Variants in FBXO4 observed in about 807,000 individuals in gnomAD.
FBXO4 encodes F-box only protein 4.
In FBXO4, 36 loss-of-function variants were observed where a neutral mutation model predicts 43.7. That is an observed-to-expected ratio of 0.82 (90% confidence interval 0.63 to 1.09). The LOEUF (loss-of-function observed/expected upper bound fraction) is 1.09. FBXO4 is among the 50% of genes least tolerant of loss of function. FBXO4 has a pLI of 0.00. For missense variants in FBXO4, 435 were observed against 474.1 expected (o/e 0.92, Z 0.77); for synonymous variants, 180 against 165.6 (o/e 1.09, Z -0.67).
At chr5:42,021,305 G>A in the FBXO4 span, among the ~76,000 whole-genome samples, 1 of 152,046 alleles carries the variant, frequency 6.6e-6, no homozygotes, top group Non-Finnish European at 1.5e-5. Context: ...GATATATTTT[G>A]GTTAGAGAGC....
At chr5:42,007,704 A>C in the FBXO4 span, among the ~76,000 whole-genome samples, 1 of 152,150 alleles carries the variant, frequency 6.6e-6, no homozygotes, top group African/African-American at 2.4e-5. Context: ...CTCATTGGGC[A>C]TCAATAGTTT....
the FBXO4 span, among the ~76,000 whole-genome samples, chr5:41,965,571 C>T: frequency 1.3e-5 from 2 of 152,056 alleles, no homozygotes; most frequent in South Asian, 4.1e-4. Flanking sequence ...AAAAAATGCT[C>T]ATCATCACTG....
rs746013720 is a variant in FBXO4, at chr5:41,925,497, C to T, written c.188C>T (p.Pro63Leu). The T allele has an allele frequency of 3.1e-6, 4 of 1,304,490 alleles. No homozygotes were observed. The East Asian group carries it at 1.3e-4, about 41-fold the overall frequency. The allele number at this position is 1,304,490 out of a possible 1,614,324, so 80.8% of individuals were successfully genotyped here. ...GCGGCCAGCACCCTGACGCGGCTGC[C>T]GGTGAGCGTCGGCCGCAGGCCGCGG... ...DEAASTLTRL[P>L]IDVQLYILSF... The change falls in exon 1 of 7, where the codon CCG (proline) becomes CTG (leucine). Residue 63 changes from proline to leucine, a missense_variant and splice_region_variant. By Grantham distance (98) the Pro-to-Leu change is moderately conservative. Coordinates refer to ENST00000281623, the MANE Select transcript of FBXO4 (RefSeq NM_012176.3).
chr5:41,994,245 A>G, the FBXO4 span, among the ~76,000 whole-genome samples: 1 of 152,256 alleles, frequency 6.6e-6, no homozygotes, highest in African/African-American at 2.4e-5. Flanking sequence ...AGGAACTCAA[A>G]AAGTCTTATG....
At chr5:42,014,458 T>G in the FBXO4 span, among the ~76,000 whole-genome samples, 2 of 152,134 alleles carry the variant, frequency 1.3e-5, no homozygotes. Context: ...TTGAGAACAA[T>G]TGCTTCAAAC....
At chr5:41,978,238 G>A in the FBXO4 span, among the ~76,000 whole-genome samples, 15 of 151,918 alleles carry the variant, frequency 9.9e-5, no homozygotes, top group Non-Finnish European at 2.1e-4. Context: ...TTTGTAAAAG[G>A]GATGGCGTAA....
the FBXO4 span, chr5:41,952,029 G>A: frequency 3.8e-6 from 1 of 264,316 alleles, no homozygotes; most frequent in South Asian, 5.4e-5. Flanking sequence ...AAGCCTCTAG[G>A]TCCTCTTCAG....
the FBXO4 span, among the ~76,000 whole-genome samples, chr5:41,979,337 T>C: frequency 2.0e-5 from 3 of 152,212 alleles, no homozygotes; most frequent in Non-Finnish European, 4.4e-5. Flanking sequence ...ATTTCTTATG[T>C]CTCTGGCTTT....
the FBXO4 span, among the ~76,000 whole-genome samples, chr5:41,992,929 C>G: frequency 6.6e-6 from 1 of 152,142 alleles, no homozygotes; most frequent in African/African-American, 2.4e-5. Flanking sequence ...GAAATAAATG[C>G]ATTCTTCAAC....
intron 5 of FBXO4, 177 bp downstream of exon 5, chr5:41,934,485 T>C (rs568868778): frequency 7.0e-7 from 1 of 1,426,034 alleles, no homozygotes; most frequent in African/African-American, 1.4e-5. Flanking sequence ...TAGGATCACC[T>C]GGGAAGCTTG....
chr5:41,994,342 A>G, the FBXO4 span, among the ~76,000 whole-genome samples: 4 of 152,218 alleles, frequency 2.6e-5, no homozygotes, highest in Admixed American at 1.3e-4. Flanking sequence ...TTAACAAAAG[A>G]AGGAGGAAAT....
At chr5:41,956,779 C>A in the FBXO4 span, among the ~76,000 whole-genome samples, 1 of 146,038 alleles carries the variant, frequency 6.8e-6, no homozygotes, top group South Asian at 2.1e-4. Flanking sequence ...GTGGCGAGAT[C>A]TCAGCCCATT....
chr5:41,926,186 A>T (rs942269747), intron 1 of FBXO4, among the ~76,000 whole-genome samples: 2 of 152,212 alleles, frequency 1.3e-5, no homozygotes, highest in Non-Finnish European at 2.9e-5. Flanking sequence ...CAATGTGTAT[A>T]TCAACGTGAA....
chr5:42,017,252 T>G, the FBXO4 span, among the ~76,000 whole-genome samples: 3 of 151,924 alleles, frequency 2.0e-5, no homozygotes, highest in Non-Finnish European at 4.4e-5. Context: ...AGAAAAAACT[T>G]AAAAAGATTT....
chr5:41,960,861 A>G, the FBXO4 span, among the ~76,000 whole-genome samples: 1 of 152,110 alleles, frequency 6.6e-6, no homozygotes, highest in Non-Finnish European at 1.5e-5. Flanking sequence ...CCTTAAAATA[A>G]TAATTTTGAA....
At chr5:42,039,090 T>C in the FBXO4 span, among the ~76,000 whole-genome samples, 1 of 152,072 alleles carries the variant, frequency 6.6e-6, no homozygotes, top group Non-Finnish European at 1.5e-5. Flanking sequence ...CTAACTGTAA[T>C]GACAAATTTG....
chr5:41,951,151 T>C, the FBXO4 span, among the ~76,000 whole-genome samples: 1 of 152,154 alleles, frequency 6.6e-6, no homozygotes, highest in East Asian at 1.9e-4. Context: ...CCATGGCAAG[T>C]GTATACCTAT....
At chr5:41,940,659 T>C (rs1357926630) in intron 6 of FBXO4, among the ~76,000 whole-genome samples, 1 of 152,198 alleles carries the variant, frequency 6.6e-6, no homozygotes, top group Non-Finnish European at 1.5e-5. Flanking sequence ...GTTGGAAACC[T>C]TTTGCGGAAA....
chr5:41,987,083 T>A, the FBXO4 span, among the ~76,000 whole-genome samples: 1 of 152,136 alleles, frequency 6.6e-6, no homozygotes, highest in Non-Finnish European at 1.5e-5. Context: ...CAGGAGTTTG[T>A]TTATGAATAT....
Sources: allele counts gnomAD v4.1 joint callset (sites outside exome capture counted in the v4.1 genomes callset), GRCh38; gene constraint gnomAD v4.1.1; transcripts MANE v1.5; gene names NCBI Gene and HGNC (gene_info 2026-07-23, HGNC 2026-07-21).